TGFBR3: variants seen among roughly 807,000 people sequenced by gnomAD.
TGFBR3 encodes transforming growth factor beta receptor 3, also known as transforming growth factor beta receptor type 3.
TGFBR3 carries 46 observed loss-of-function variants against 87.9 expected under a neutral mutation model. That is an observed-to-expected ratio of 0.52 (90% confidence interval 0.41 to 0.67). The LOEUF (loss-of-function observed/expected upper bound fraction) is 0.67. Ranked by LOEUF, TGFBR3 falls within the 30% of genes least tolerant of loss-of-function variation. The probability of loss-of-function intolerance (pLI) is 0.00; values close to 1 mark genes in which losing one functional copy is unlikely to be tolerated. For missense variants in TGFBR3, 866 were observed against 1,041.9 expected (o/e 0.83, Z 2.32); for synonymous variants, 381 against 391.6 (o/e 0.97, Z 0.32).
At chr1:91,736,143 TTAA>T (rs1158958169) in intron 4 of TGFBR3, among the ~76,000 whole-genome samples, 1 of 152,018 alleles carries the variant, frequency 6.6e-6, no homozygotes, top group Non-Finnish European at 1.5e-5. Flanking sequence ...AGTACTTCAA[TTAA>T]TTGATTCCAT....
At chr1:91,759,023 C>G (rs17884439) in intron 3 of TGFBR3, among the ~76,000 whole-genome samples, 9,293 of 152,238 alleles carry the variant, frequency 0.061, 316 homozygotes, top group Non-Finnish European at 0.082. Flanking sequence ...AACAAATAAA[C>G]AGAACACATT....
rs1031943670 is a variant in TGFBR3 at position 91,681,633 on chromosome 1, A to G, written c.*2106T>C. ...TTTTAAAAAAGCAAAGGACTGATCG[A>G]AAGAATTCACAGTAGCTGAAATTAA... On this transcript the variant is annotated 3_prime_UTR_variant, in exon 17 of 17. Coordinates refer to ENST00000212355, the MANE Select transcript of TGFBR3 (RefSeq NM_003243.5). 3 of 439,156 alleles carry G rather than the reference A, an allele frequency of 6.8e-6. No individual in the cohort carries two copies. Among genetic ancestry groups the G allele is most frequent in the African/African-American group, 2.0e-5 (1 of 49,188 alleles). The allele number at this position is 439,156 out of a possible 1,614,324, so 27.2% of individuals were successfully genotyped here.
chr1:91,805,473 C>T (rs1675793115), intron 2 of TGFBR3, among the ~76,000 whole-genome samples: 1 of 152,206 alleles, frequency 6.6e-6, no homozygotes, highest in African/African-American at 2.4e-5. Flanking sequence ...CCCCTTCACC[C>T]ACAAGATGCT....
chr1:91,897,665 G>A (rs569267908), intron 2 of TGFBR3, among the ~76,000 whole-genome samples: 7 of 152,280 alleles, frequency 4.6e-5, no homozygotes, highest in South Asian at 2.1e-4. Flanking sequence ...GATTGCTTAC[G>A]TTTTGTTCCA....
At chr1:91,746,880 T>C (rs1466724921) in intron 4 of TGFBR3, among the ~76,000 whole-genome samples, 1 of 152,174 alleles carries the variant, frequency 6.6e-6, no homozygotes, top group Non-Finnish European at 1.5e-5. Context: ...ACTCTAGAGC[T>C]CTTTCTATTC....
At chr1:91,753,372 G>A (rs964276840) in intron 4 of TGFBR3, among the ~76,000 whole-genome samples, 1 of 122,548 alleles carries the variant, frequency 8.2e-6, no homozygotes, top group Admixed American at 1.0e-4. Flanking sequence ...CCTGAGTAAG[G>A]GAGTGAGACT....
intron 14 of TGFBR3, among the ~76,000 whole-genome samples, chr1:91,701,964 A>G (rs1457022377): frequency 1.3e-5 from 2 of 152,206 alleles, no homozygotes; most frequent in Admixed American, 6.5e-5. Context: ...GTATCCTGCC[A>G]CTAGACCAGT....
chr1:91,835,806 T>G, intron 2 of TGFBR3, among the ~76,000 whole-genome samples: 1 of 116,300 alleles, frequency 8.6e-6, no homozygotes, highest in Admixed American at 1.3e-4. Context: ...CCAGTCTGGG[T>G]GACAGAGCGA....
chr1:91,698,254 G>A (rs1571416877), intron 14 of TGFBR3, 124 bp from the exon 15 acceptor site: 5 of 834,640 alleles, frequency 6.0e-6, no homozygotes, highest in African/African-American at 5.0e-5. Flanking sequence ...AGAAAGCTCT[G>A]TCAATGATCC....
In TGFBR3 at chr1:91,696,958, T is replaced by G. The variant is rs557959339; in HGVS notation, c.2329+1131A>C. 5.9e-5 allele frequency among the ~76,000 whole-genome samples: 9 copies of G among 152,326 alleles called. 1 individual carries two copies. Among genetic ancestry groups the G allele is most frequent in the African/African-American group, 1.7e-4 (7 of 41,582 alleles). ...TGGAAGGATCCGAACTCCCAAGTTC[T>G]GGTCCCCACTCTTCTAGACCTGTGC... On this transcript the variant is annotated intron_variant, in intron 15 of 16. Coordinates refer to ENST00000212355, the MANE Select transcript of TGFBR3 (RefSeq NM_003243.5).
Position 91,762,260 on chromosome 1 carries a change from C to T in TGFBR3, c.247-3510G>A, listed in dbSNP as rs780923742. Among the ~76,000 whole-genome samples, 98 of 152,224 alleles carry T rather than the reference C, an allele frequency of 6.4e-4. 1 individual carries two copies. Among genetic ancestry groups the T allele is most frequent in the Middle Eastern group, 6.8e-3 (2 of 294 alleles). On this transcript the variant is annotated intron_variant, in intron 3 of 16. Coordinates refer to ENST00000212355, the MANE Select transcript of TGFBR3 (RefSeq NM_003243.5). ...CCTCTCCTTACCAAACCAAACCAAA[C>T]AAAAAACATCCATATCACACAAACT...
intron 3 of TGFBR3, among the ~76,000 whole-genome samples, chr1:91,777,393 A>G (rs1674602371): frequency 6.6e-6 from 1 of 152,030 alleles, no homozygotes; most frequent in South Asian, 2.1e-4. Flanking sequence ...TCCTCAACAT[A>G]TTTCATACTC....
chr1:91,697,128 A>T (rs1187147751), intron 15 of TGFBR3, among the ~76,000 whole-genome samples: 2 of 152,206 alleles, frequency 1.3e-5, no homozygotes, highest in African/African-American at 4.8e-5. Context: ...CTTAAAACTG[A>T]TATTAGAAGA....
rs3039477 is a variant in TGFBR3 at position 91,860,934 on chromosome 1, C to CAAAAAAA, written c.61+530_61+536dup. ...GTGACAGAGCAAGACTCTGTCTCCA[C>CAAAAAAA]AAAAAAAAAAAAAAAAAAAAAAAAA... On this transcript the variant is annotated intron_variant, in intron 2 of 16. Coordinates refer to ENST00000212355, the MANE Select transcript of TGFBR3 (RefSeq NM_003243.5). 3.4e-4 allele frequency among the ~76,000 whole-genome samples: 12 copies of CAAAAAAA among 35,634 alleles called. 1 individual carries two copies. The highest frequency in any genetic ancestry group is 9.7e-4 in the African/African-American group (10 of 10,326). The allele number at this position is 35,634 out of a possible 152,430, so 23.4% of individuals were successfully genotyped here. A position where few individuals can be genotyped will look rare whatever the true frequency, so the allele number is the denominator to read the frequency against.
chr1:91,707,597 A>G (rs17885325), intron 14 of TGFBR3, among the ~76,000 whole-genome samples: 1,919 of 152,302 alleles, frequency 0.013, 38 homozygotes, highest in African/African-American at 0.044. Context: ...GGAGCCAGAC[A>G]GTGTGCTGGC....
intron 1 of TGFBR3, among the ~76,000 whole-genome samples, chr1:91,900,621 C>T (rs1396676242): frequency 6.6e-6 from 1 of 152,110 alleles, no homozygotes; most frequent in African/African-American, 2.4e-5. Flanking sequence ...ACATCTTGAC[C>T]ATTTCTACCT....
At chr1:91,847,496 G>A (rs899491658) in intron 2 of TGFBR3, among the ~76,000 whole-genome samples, 2 of 151,530 alleles carry the variant, frequency 1.3e-5, no homozygotes, top group African/African-American at 2.4e-5. Context: ...CCAGCTACTC[G>A]GGAGGCTGAG....
At chr1:91,886,642 C>T (rs1557763828), upstream of TGFBR3, among the ~76,000 whole-genome samples, 2 of 152,206 alleles carry the variant, frequency 1.3e-5, no homozygotes, top group South Asian at 4.1e-4. Flanking sequence ...CTCTTGCCCT[C>T]TCCCCAGCAG....
At chr1:91,846,235 C>A (rs990452242) in intron 2 of TGFBR3, among the ~76,000 whole-genome samples, 2 of 152,244 alleles carry the variant, frequency 1.3e-5, no homozygotes, top group Admixed American at 6.5e-5. Context: ...CTTTCTCCTG[C>A]AGGCATTAGG....
Sources: allele counts gnomAD v4.1 joint callset (sites outside exome capture counted in the v4.1 genomes callset), GRCh38; gene constraint gnomAD v4.1.1; transcripts MANE v1.5; gene names NCBI Gene and HGNC (gene_info 2026-07-23, HGNC 2026-07-21).